The following SGMS2 variants were observed in gnomAD, a reference collection of about 807,000 sequenced individuals.
SGMS2 encodes the protein phosphatidylcholine:ceramide cholinephosphotransferase 2.
In SGMS2, 21 loss-of-function variants were observed where a neutral mutation model predicts 43.8. The ratio of observed to expected loss-of-function variants is 0.48; its 90% CI spans 0.34 to 0.69. The LOEUF (loss-of-function observed/expected upper bound fraction) is 0.69, where lower values mean the gene tolerates loss of function less well. Ranked by LOEUF, SGMS2 falls within the 30% of genes least tolerant of loss-of-function variation. The pLI is 0.01. For missense variants in SGMS2, 384 were observed against 443.2 expected (o/e 0.87, Z 1.20); for synonymous variants, 167 against 160.6 (o/e 1.04, Z -0.30).
At chr4:107,825,440 C>T (rs1045258702) in intron 1 of SGMS2, among the ~76,000 whole-genome samples, 187 bp downstream of exon 1, 6 of 148,218 alleles carry the variant, frequency 4.0e-5, no homozygotes, top group Non-Finnish European at 9.0e-5. Context: ...TAGTCTCCTT[C>T]CTCTGAGCAG....
intron 5 of SGMS2, among the ~76,000 whole-genome samples, chr4:107,904,483 A>G (rs1578660722): frequency 6.6e-6 from 1 of 152,132 alleles, no homozygotes; most frequent in East Asian, 1.9e-4. Context: ...GGGGTATTTA[A>G]GTTCTGCTTT....
chr4:107,837,657 A>G (rs1465094638), intron 1 of SGMS2, among the ~76,000 whole-genome samples: 13 of 152,146 alleles, frequency 8.5e-5, no homozygotes, highest in Non-Finnish European at 1.5e-4. Context: ...TCTGTAATAG[A>G]TCCCTCTGGC....
chr4:107,848,999 A>T (rs969290816), intron 1 of SGMS2, among the ~76,000 whole-genome samples: 2 of 152,130 alleles, frequency 1.3e-5, no homozygotes, highest in East Asian at 1.9e-4. Flanking sequence ...CTTCTATGTT[A>T]TCTTATAAAT....
intron 1 of SGMS2, among the ~76,000 whole-genome samples, chr4:107,830,898 G>A (rs1466495037): frequency 6.6e-6 from 1 of 152,156 alleles, no homozygotes; most frequent in Non-Finnish European, 1.5e-5. Flanking sequence ...GGTTCTCCAA[G>A]CTTCTCCAAA....
intron 1 of SGMS2, among the ~76,000 whole-genome samples, chr4:107,837,192 C>G (rs1726235445): frequency 6.6e-6 from 1 of 152,028 alleles, no homozygotes; most frequent in Non-Finnish European, 1.5e-5. Flanking sequence ...GGTTTCTCCT[C>G]CAATGGAAAT....
At chr4:107,878,234 A>G (rs1280419804) in intron 2 of SGMS2, among the ~76,000 whole-genome samples, 1 of 152,076 alleles carries the variant, frequency 6.6e-6, no homozygotes, top group Non-Finnish European at 1.5e-5. Flanking sequence ...TCTTTCTACT[A>G]AACACCGAAA....
chr4:107,871,119 C>T (rs1346920561), intron 2 of SGMS2, among the ~76,000 whole-genome samples: 2 of 152,132 alleles, frequency 1.3e-5, no homozygotes, highest in African/African-American at 4.8e-5. Flanking sequence ...CATGGATAGA[C>T]CAGTGCCAAA....
At chr4:107,828,425 C>G (rs543466137) in intron 1 of SGMS2, among the ~76,000 whole-genome samples, 1 of 152,296 alleles carries the variant, frequency 6.6e-6, no homozygotes, top group South Asian at 2.1e-4. Flanking sequence ...AAATTTATCT[C>G]TACAAAAATG....
At chr4:107,896,634 G>A (rs1301200340) in intron 3 of SGMS2, among the ~76,000 whole-genome samples, 1 of 152,114 alleles carries the variant, frequency 6.6e-6, no homozygotes, top group East Asian at 1.9e-4. Context: ...AAGTAAACTT[G>A]CCCTCTGATT....
chr4:107,885,250 A>T (rs529481224), intron 2 of SGMS2, among the ~76,000 whole-genome samples: 2 of 151,848 alleles, frequency 1.3e-5, no homozygotes, highest in Admixed American at 6.6e-5. Flanking sequence ...ACTAAGCATG[A>T]TTTATTCCAG....
intron 2 of SGMS2, among the ~76,000 whole-genome samples, chr4:107,859,658 G>A (rs970584448): frequency 2.6e-5 from 4 of 152,046 alleles, no homozygotes; most frequent in South Asian, 4.1e-4. Flanking sequence ...TGCGAATGAG[G>A]CAGTGAACAA....
chr4:107,867,758 T>TAA (rs1289933503), intron 2 of SGMS2: 30 of 152,216 alleles, frequency 2.0e-4, no homozygotes, highest in African/African-American at 6.8e-4. Context: ...ACTATATGAG[T>TAA]GTTAGCTATA....
intron 2 of SGMS2, among the ~76,000 whole-genome samples, chr4:107,886,237 T>G (rs1729740065): frequency 6.6e-6 from 1 of 151,650 alleles, no homozygotes; most frequent in Non-Finnish European, 1.5e-5. Context: ...TCTCACTCCA[T>G]CACCCAGGCT....
chr4:107,877,840 C>T (rs1382639662), intron 2 of SGMS2, among the ~76,000 whole-genome samples: 5 of 151,906 alleles, frequency 3.3e-5, no homozygotes, highest in African/African-American at 9.7e-5. Flanking sequence ...TCATACTTCA[C>T]TAGCAATAAG....
intron 2 of SGMS2, among the ~76,000 whole-genome samples, chr4:107,859,059 G>T (rs1405689458): frequency 1.6e-4 from 24 of 152,222 alleles, no homozygotes; most frequent in Non-Finnish European, 1.0e-4. Flanking sequence ...TATGCCCACT[G>T]AGGAAGAAGA....
chr4:107,870,570 C>G (rs1728488245), intron 2 of SGMS2, among the ~76,000 whole-genome samples: 1 of 152,092 alleles, frequency 6.6e-6, no homozygotes, highest in Non-Finnish European at 1.5e-5. Flanking sequence ...CGCCATTAAC[C>G]CATAATCACT....
chr4:107,859,859 C>G (rs1727628978), intron 2 of SGMS2, among the ~76,000 whole-genome samples: 1 of 151,952 alleles, frequency 6.6e-6, no homozygotes, highest in South Asian at 2.1e-4. Context: ...GTCGTATGTT[C>G]TAATTTAATC....
At chr4:107,903,459 A>G (rs1731294479) in intron 5 of SGMS2, 73 bp downstream of exon 5, 1 of 1,423,226 alleles carries the variant, frequency 7.0e-7, no homozygotes, top group Non-Finnish European at 9.8e-7. Flanking sequence ...AATTGATAGG[A>G]GCCCTTATTC....
intron 1 of SGMS2, among the ~76,000 whole-genome samples, chr4:107,828,877 G>A (rs1004038458): frequency 6.6e-6 from 1 of 152,208 alleles, no homozygotes; most frequent in African/African-American, 2.4e-5. Context: ...AGCTCATTAT[G>A]CAAGGAATTT....
Sources: gnomAD v4.1 joint callset for allele counts (sites outside exome capture counted in the v4.1 genomes callset) on GRCh38, gnomAD v4.1.1 for gene constraint, MANE v1.5 for transcripts, NCBI Gene and HGNC (gene_info 2026-07-23, HGNC 2026-07-21) for gene names.